FNDC3B: variants seen among roughly 807,000 people sequenced by gnomAD.
The protein encoded by FNDC3B is fibronectin type III domain-containing protein 3B.
In FNDC3B, 12 loss-of-function variants were observed where a neutral mutation model predicts 151.5. The ratio of observed to expected loss-of-function variants is 0.08; its 90% CI spans 0.05 to 0.13. The LOEUF is 0.13. Among genes scored for constraint, FNDC3B ranks in the 10% least tolerant of loss-of-function variants. The pLI is 1.00. For synonymous variants in FNDC3B, 528 were observed against 549.0 expected, an observed-to-expected ratio of 0.96 and a Z score of 0.54; for missense variants, 1,214 against 1,505.3, an observed-to-expected ratio of 0.81 and a Z score of 3.20.
chr3:172,056,886 T>G, intron 1 of FNDC3B, among the ~76,000 whole-genome samples: 1 of 152,212 alleles, frequency 6.6e-6, no homozygotes, highest in East Asian at 1.9e-4. Flanking sequence ...CAGCTCATCC[T>G]TAATGTCATA....
chr3:172,108,852 G>C (rs953025787), intron 1 of FNDC3B, among the ~76,000 whole-genome samples: 11 of 152,132 alleles, frequency 7.2e-5, no homozygotes, highest in African/African-American at 2.2e-4. Context: ...TCTCTAGTCT[G>C]TTTTCTATGG....
intron 6 of FNDC3B, among the ~76,000 whole-genome samples, chr3:172,262,420 C>T (rs146921158): frequency 7.6e-4 from 115 of 152,252 alleles, no homozygotes; most frequent in African/African-American, 2.7e-3. Context: ...TTAGAGCATC[C>T]ACTGCCAGCA....
intron 6 of FNDC3B, among the ~76,000 whole-genome samples, chr3:172,271,456 A>G (rs529473025): frequency 4.6e-5 from 7 of 152,162 alleles, no homozygotes; most frequent in Non-Finnish European, 1.0e-4. Flanking sequence ...AAAAAATGGT[A>G]TCATAACTTT....
At chr3:172,051,916 G>A (rs1475307681) in intron 1 of FNDC3B, among the ~76,000 whole-genome samples, 1 of 152,124 alleles carries the variant, frequency 6.6e-6, no homozygotes, top group Non-Finnish European at 1.5e-5. Context: ...ACAAAAAGCA[G>A]TATTTATGTT....
intron 1 of FNDC3B, among the ~76,000 whole-genome samples, chr3:172,062,534 T>G (rs62283785): frequency 0.09 from 13,670 of 152,116 alleles, 754 homozygotes; most frequent in East Asian, 0.2. Context: ...GCTACCTGTC[T>G]TGACCTCCCA....
intron 21 of FNDC3B, among the ~76,000 whole-genome samples, chr3:172,347,685 C>T (rs1273877064): frequency 6.6e-6 from 1 of 152,210 alleles, no homozygotes; most frequent in East Asian, 1.9e-4. Context: ...AGGGAAGGAG[C>T]CTTCTGTCTC....
intron 6 of FNDC3B, among the ~76,000 whole-genome samples, chr3:172,255,083 A>G (rs543171214): frequency 1.3e-5 from 2 of 152,252 alleles, no homozygotes; most frequent in South Asian, 4.1e-4. Flanking sequence ...GCTGCCTCTC[A>G]AAGTAGGCAT....
intron 3 of FNDC3B, among the ~76,000 whole-genome samples, chr3:172,135,291 T>G (rs1247544591): frequency 6.6e-6 from 1 of 152,100 alleles, no homozygotes; most frequent in African/African-American, 2.4e-5. Context: ...GTTTTTTGTG[T>G]GTATATATGT....
chr3:172,169,090 G>A (rs1308346763), intron 3 of FNDC3B, among the ~76,000 whole-genome samples: 1 of 140,634 alleles, frequency 7.1e-6, no homozygotes, highest in African/African-American at 2.7e-5. Flanking sequence ...AGTTTTGTCT[G>A]TGTCAGACAT....
At chr3:172,112,700 T>A in intron 2 of FNDC3B, 110 bp downstream of exon 2, 8 of 768,672 alleles carry the variant, frequency 1.0e-5, no homozygotes, top group Non-Finnish European at 1.8e-5. Flanking sequence ...ACCTTAGCAT[T>A]TCTAGAGGTA....
rs1736573729 is a variant in FNDC3B, at chr3:172,401,506, T to C, written c.*4031T>C. ...TAATGTACCTTGTTGCCTAATACTT[T>C]ATCTGTCTACCAAAACTCAGTCCAG... On this transcript the variant is annotated 3_prime_UTR_variant, in exon 26 of 26. Transcript: ENST00000415807. The C allele has an allele frequency of 6.6e-6, 1 of 152,314 alleles. No homozygotes were observed. Among genetic ancestry groups the C allele is most frequent in the Non-Finnish European group, 1.5e-5 (1 of 68,126 alleles). 9.4% of individuals were successfully genotyped at this position (152,314 alleles called of 1,614,324 possible).
intron 3 of FNDC3B, among the ~76,000 whole-genome samples, chr3:172,159,019 C>G (rs576475000): frequency 6.6e-6 from 1 of 152,196 alleles, no homozygotes; most frequent in Non-Finnish European, 1.5e-5. Context: ...TGGTGGCTCA[C>G]GCCTGTAATC....
chr3:172,216,446 C>T (rs750826695), intron 3 of FNDC3B, among the ~76,000 whole-genome samples: 6 of 152,088 alleles, frequency 3.9e-5, no homozygotes, highest in East Asian at 1.9e-4. Flanking sequence ...GTGGGAGGAT[C>T]GCTTGAGGCC....
intron 6 of FNDC3B, among the ~76,000 whole-genome samples, chr3:172,285,438 G>C (rs1729958112): frequency 6.6e-6 from 1 of 152,174 alleles, no homozygotes; most frequent in Non-Finnish European, 1.5e-5. Flanking sequence ...AGACACCCCA[G>C]TGGCTGCCCG....
intron 9 of FNDC3B, among the ~76,000 whole-genome samples, chr3:172,299,850 G>C: frequency 6.6e-6 from 1 of 151,986 alleles, no homozygotes; most frequent in Non-Finnish European, 1.5e-5. Context: ...TTTAACTTTG[G>C]TCAATTCACA....
rs779917304 is a variant in FNDC3B at position 172,328,907 on chromosome 3, T to TG, written c.1255-45_1255-44insG. 3.8e-5 allele frequency: 53 copies of TG among 1,393,860 alleles called. No individual in the cohort carries two copies. In the East Asian group the frequency reaches 5.2e-4, roughly 14 times the overall value. The allele number at this position is 1,393,860 out of a possible 1,614,324, so 86.3% of individuals were successfully genotyped here. On this transcript the variant is annotated intron_variant, in intron 11 of 25. Transcript: ENST00000415807. ...TCATTTATTTAGGGTTATCTGTTGT[T>TG]TTTTTTTTTTTAAGTATATGCATTG...
chr3:172,058,241 C>T (rs1287391016), intron 1 of FNDC3B, among the ~76,000 whole-genome samples: 1 of 152,142 alleles, frequency 6.6e-6, no homozygotes, highest in Non-Finnish European at 1.5e-5. Flanking sequence ...AAGCAACATT[C>T]ATGTTGAAGA....
At chr3:172,189,043 A>G (rs900315631) in intron 3 of FNDC3B, among the ~76,000 whole-genome samples, 2 of 152,212 alleles carry the variant, frequency 1.3e-5, no homozygotes, top group African/African-American at 4.8e-5. Context: ...AAACTTATTT[A>G]ATGTATTTTT....
intron 3 of FNDC3B, among the ~76,000 whole-genome samples, chr3:172,224,290 T>C (rs1726439444): frequency 6.6e-6 from 1 of 152,238 alleles, no homozygotes; most frequent in African/African-American, 2.4e-5. Context: ...GATTGGTGGA[T>C]GTATTCGTTT....
Sources: allele counts gnomAD v4.1 joint callset (sites outside exome capture counted in the v4.1 genomes callset), GRCh38; gene constraint gnomAD v4.1.1; transcripts MANE v1.5; gene names NCBI Gene and HGNC (gene_info 2026-07-23, HGNC 2026-07-21).